PTPRN2: variants seen among roughly 807,000 people sequenced by gnomAD.
PTPRN2 encodes receptor-type tyrosine-protein phosphatase N2.
A neutral mutation model predicts 118.8 loss-of-function variants in PTPRN2; 74 were observed. The ratio of observed to expected loss-of-function variants is 0.62; its 90% CI spans 0.52 to 0.76. PTPRN2 has a LOEUF of 0.76. PTPRN2 is among the 30% of genes least tolerant of loss of function. The pLI is 0.00. For missense variants in PTPRN2, 1,481 were observed against 1,394.4 expected, an observed-to-expected ratio of 1.06 and a Z score of -0.99; for synonymous variants, 641 against 608.0, an observed-to-expected ratio of 1.05 and a Z score of -0.80.
rs1335144142 is a variant in PTPRN2 at position 157,787,057 on chromosome 7, AGGCGGACGCGGGTGCGGC to A, written c.1789-104138_1789-104121del. Among the ~76,000 whole-genome samples, 3 of 142,456 alleles carry A rather than the reference AGGCGGACGCGGGTGCGGC, an allele frequency of 2.1e-5. No homozygotes were observed. The highest frequency in any genetic ancestry group is 8.0e-5 in the African/African-American group (3 of 37,696). The allele number at this position is 142,456 out of a possible 152,430, so 93.5% of individuals were successfully genotyped here. ...GGGGACGCGGGGGTGGCTGCCCGGG[AGGCGGACGCGGGTGCGGC>A]GGGGGACGCGGGGGTGGCTGCCCGG... On this transcript the variant is annotated intron_variant, in intron 12 of 22. Coordinates refer to ENST00000389418, the MANE Select transcript of PTPRN2 (RefSeq NM_002847.5). This position sits in a 1 kb window ranked among gnomAD's most constrained non-coding sequence, Gnocchi z 5.3.
chr7:158,201,289 C>T (rs1826629341), intron 4 of PTPRN2, among the ~76,000 whole-genome samples: 1 of 152,144 alleles, frequency 6.6e-6, no homozygotes, highest in Non-Finnish European at 1.5e-5. Context: ...GAACTAAGCT[C>T]TGATTTTTTC....
intron 11 of PTPRN2, among the ~76,000 whole-genome samples, chr7:157,992,987 G>C (rs968926714): frequency 5.9e-5 from 9 of 152,226 alleles, no homozygotes; most frequent in African/African-American, 1.9e-4. Context: ...TGAGCCTGGA[G>C]CCCCCGTCTT....
chr7:158,284,766 A>G (rs1349146200), intron 3 of PTPRN2, among the ~76,000 whole-genome samples: 2 of 152,236 alleles, frequency 1.3e-5, no homozygotes, highest in Non-Finnish European at 2.9e-5. Context: ...TGGAGTGAGC[A>G]GGTGCAGGCG....
intron 3 of PTPRN2, among the ~76,000 whole-genome samples, chr7:158,261,304 T>C (rs1014507058): frequency 2.0e-5 from 3 of 151,718 alleles, no homozygotes; most frequent in African/African-American, 7.3e-5. Context: ...ACATGGAGCT[T>C]GGACAGGGCA....
intron 12 of PTPRN2, among the ~76,000 whole-genome samples, chr7:157,870,216 C>T (rs556326204): frequency 7.9e-5 from 12 of 152,254 alleles, no homozygotes; most frequent in East Asian, 1.9e-4. Flanking sequence ...CTGAACCAGC[C>T]GAGATGTCTA....
chr7:158,569,937 C>T (rs1827907168), intron 1 of PTPRN2, among the ~76,000 whole-genome samples: 1 of 152,106 alleles, frequency 6.6e-6, no homozygotes, highest in African/African-American at 2.4e-5. Context: ...GGGCGGCGCC[C>T]TCCCGGCCTC....
At chr7:158,002,037 C>T (rs566693838) in intron 11 of PTPRN2, among the ~76,000 whole-genome samples, 55 of 152,318 alleles carry the variant, frequency 3.6e-4, no homozygotes, top group Non-Finnish European at 5.3e-4. Context: ...CACTTAGTGC[C>T]TCTTCCCTTG....
chr7:157,805,992 A>T (rs183431339), intron 12 of PTPRN2, among the ~76,000 whole-genome samples: 2 of 152,288 alleles, frequency 1.3e-5, no homozygotes, highest in Non-Finnish European at 2.9e-5. Flanking sequence ...CCAGCTGCTG[A>T]TGCTGAGTGC....
chr7:157,577,741 C>G (rs560244316), intron 18 of PTPRN2, among the ~76,000 whole-genome samples: 4 of 152,344 alleles, frequency 2.6e-5, no homozygotes, highest in East Asian at 1.9e-4. Flanking sequence ...ACACCACACT[C>G]CCAGGGTCTG....
Position 157,656,009 on chromosome 7 carries a change from G to C in PTPRN2, c.2196+348C>G, listed in dbSNP as rs962873217. ...TGCCAAGGAGACAGCAGCTGCTTCC[G>C]AGTCAGAGGCCCAAAACGGCAGCGC... On this transcript the variant is annotated intron_variant, in intron 14 of 22. Transcript: ENST00000389418. 2.0e-5 allele frequency among the ~76,000 whole-genome samples: 3 copies of C among 149,004 alleles called. No homozygotes were observed. In the Admixed American group the frequency reaches 2.0e-4, roughly 10 times the overall value.
intron 11 of PTPRN2, 142 bp from the exon 12 acceptor site, chr7:157,898,879 G>A (rs770234919): frequency 1.9e-5 from 14 of 751,282 alleles, no homozygotes; most frequent in Non-Finnish European, 3.0e-5. Flanking sequence ...TCATGAACAG[G>A]CACAGAATTA....
In PTPRN2 at chr7:158,269,877, G is replaced by C. The variant is rs141147909; in HGVS notation, c.277+46942C>G. Reference sequence around the variant, plus strand: ...ACAGAGACAGAGAGAGACAGAAAGAGACAGAGAGAGACAGAGAGACAGAGA... The same window carrying C: ...ACAGAGACAGAGAGAGACAGAAAGACACAGAGAGAGACAGAGAGACAGAGA... On this transcript the variant is annotated intron_variant, in intron 3 of 22. Coordinates refer to ENST00000389418, the MANE Select transcript of PTPRN2 (RefSeq NM_002847.5). Among the ~76,000 whole-genome samples the C allele has an allele frequency of 6.1e-3, 919 of 151,868 alleles. 7 individuals are homozygous for C. The highest frequency in any genetic ancestry group is 0.021 in the African/African-American group (873 of 41,376).
chr7:158,336,426 TGCAGACG>T, intron 2 of PTPRN2, among the ~76,000 whole-genome samples: 1 of 106,414 alleles, frequency 9.4e-6, no homozygotes, highest in Admixed American at 1.0e-4. Context: ...TGGTGACACC[TGCAGACG>T]TCACTCACAC....
At position 158,428,726 on chromosome 7, in the gene PTPRN2, C is replaced by T. The variant is rs560643947; in HGVS notation, c.163+61009G>A. ...GGGCCGGGCGGTGAACCAAGTCTAA[C>T]GGAGGCAGTCACAGTTCAGTGACAG... On this transcript the variant is annotated intron_variant, in intron 2 of 22. Transcript: ENST00000389418. 4.0e-5 allele frequency among the ~76,000 whole-genome samples: 6 copies of T among 151,464 alleles called. No individual in the cohort carries two copies. In the East Asian group the frequency reaches 1.2e-3, roughly 30 times the overall value.
chr7:158,478,060 G>A (rs1820389797), intron 2 of PTPRN2, among the ~76,000 whole-genome samples: 1 of 152,258 alleles, frequency 6.6e-6, no homozygotes, highest in African/African-American at 2.4e-5. Flanking sequence ...AGTGGGAAGA[G>A]CCAAGGGGTG....
rs1394496695 is a variant in PTPRN2 at position 158,438,104 on chromosome 7, G to A, written c.163+51631C>T. On this transcript the variant is annotated intron_variant, in intron 2 of 22. Coordinates refer to ENST00000389418, the MANE Select transcript of PTPRN2 (RefSeq NM_002847.5). This position sits in a 1 kb window ranked among gnomAD's most constrained non-coding sequence, Gnocchi z 4.7. ...CTTTTTTAAGTTTTTTTGGCCAGGG[G>A]CTGTGGCTCACACCTGTCATCCCAG... Among the ~76,000 whole-genome samples, 1 of 152,182 alleles carries A rather than the reference G, an allele frequency of 6.6e-6. No homozygotes were observed. Among genetic ancestry groups the A allele is most frequent in the African/African-American group, 2.4e-5 (1 of 41,454 alleles).
chr7:158,526,520 C>A lies in PTPRN2; in HGVS notation c.113-36735G>T, dbSNP rs1300567801. 6.6e-6 allele frequency among the ~76,000 whole-genome samples: 1 copy of A among 151,774 alleles called. No individual in the cohort carries two copies. The highest frequency in any genetic ancestry group is 1.5e-5 in the Non-Finnish European group (1 of 68,034). ...GGCTTGGGAAACTGACTCGGTTGTT[C>A]TCCATTCCTGATCCCATTTCCTGTT... On this transcript the variant is annotated intron_variant, in intron 1 of 22. Coordinates refer to ENST00000389418, the MANE Select transcript of PTPRN2 (RefSeq NM_002847.5). The surrounding 1 kb of genome is among the most constrained non-coding windows in gnomAD (Gnocchi z 5.2).
chr7:158,247,203 A>G (rs1395653787), intron 3 of PTPRN2, among the ~76,000 whole-genome samples: 1 of 152,142 alleles, frequency 6.6e-6, no homozygotes, highest in Non-Finnish European at 1.5e-5. Flanking sequence ...ACCCCCCAGC[A>G]TGGCCAGGAG....
In PTPRN2 at chr7:157,779,587, C is replaced by T. The variant is rs969143263; in HGVS notation, c.1789-96650G>A. On this transcript the variant is annotated intron_variant, in intron 12 of 22. Transcript: ENST00000389418. The surrounding 1 kb of genome is among the most constrained non-coding windows in gnomAD (Gnocchi z 4.7). ...GCGGCAGGCTGTCTCCGGTGCTTGC[C>T]TTCTCTGTCTAAATAACTTGCTTCT... Among the ~76,000 whole-genome samples, 1 of 152,164 alleles carries T rather than the reference C, an allele frequency of 6.6e-6. No homozygotes were observed. The highest frequency in any genetic ancestry group is 1.5e-5 in the Non-Finnish European group (1 of 68,024).
Sources: allele counts gnomAD v4.1 joint callset (sites outside exome capture counted in the v4.1 genomes callset), GRCh38; gene constraint gnomAD v4.1.1; non-coding constraint Gnocchi (gnomAD v3.1); transcripts MANE v1.5; gene names NCBI Gene and HGNC (gene_info 2026-07-23, HGNC 2026-07-21).